Variants in MLIP observed in about 807,000 individuals in gnomAD.
MLIP encodes the protein muscular LMNA-interacting protein.
MLIP carries 79 observed loss-of-function variants against 84.8 expected under a neutral mutation model. The ratio of observed to expected loss-of-function variants is 0.93; its 90% CI spans 0.78 to 1.12. The LOEUF (loss-of-function observed/expected upper bound fraction) is 1.12, where lower values mean the gene tolerates loss of function less well. Ranked by LOEUF, MLIP falls within the 50% of genes most tolerant of loss-of-function variation. The pLI is 0.00. For synonymous variants in MLIP, 504 were observed against 463.0 expected (o/e 1.09, Z -1.14); for missense variants, 1,257 against 1,160.6 (o/e 1.08, Z -1.21).
rs1254154505 is a variant in MLIP at position 54,136,977 on chromosome 6, CTCAACTATCAG to C, written c.909_919del (p.Gln304PhefsTer2). On this transcript the variant is annotated frameshift_variant, in exon 4 of 14. Coordinates refer to ENST00000502396, the MANE Select transcript of MLIP (RefSeq NM_001281747.2). LOFTEE classifies it high-confidence loss of function. ...TCGACGTTACTGTTTCCCCATTCCA[CTCAACTATCAG>C]GTTCTAATTTACCCAGTTCAACTGC... 9 of 1,535,988 alleles carry C rather than the reference CTCAACTATCAG, an allele frequency of 5.9e-6. No individual in the cohort carries two copies. The highest frequency in any genetic ancestry group is 7.8e-6 in the Non-Finnish European group (9 of 1,146,902).
intron 13 of MLIP, among the ~76,000 whole-genome samples, chr6:54,261,084 A>G (rs1251944592): frequency 4.6e-5 from 7 of 152,016 alleles, no homozygotes; most frequent in Admixed American, 1.3e-4. Flanking sequence ...TTAACACCAT[A>G]CAGGCAGAGC....
At chr6:54,206,133 T>A (rs1779019419) in intron 11 of MLIP, among the ~76,000 whole-genome samples, 1 of 152,212 alleles carries the variant, frequency 6.6e-6, no homozygotes, top group South Asian at 2.1e-4. Flanking sequence ...TCTGACTATT[T>A]ATGAATTTGC....
At chr6:54,133,226 A>T (rs1450599485) in intron 3 of MLIP, among the ~76,000 whole-genome samples, 1 of 152,176 alleles carries the variant, frequency 6.6e-6, no homozygotes, top group Non-Finnish European at 1.5e-5. Flanking sequence ...ATCAGATTTT[A>T]AAAGTTCAAT....
intron 5 of MLIP, among the ~76,000 whole-genome samples, chr6:54,159,052 C>T (rs549749113): frequency 3.8e-4 from 58 of 152,046 alleles, no homozygotes; most frequent in Middle Eastern, 6.8e-3. Flanking sequence ...TCTGAAACTA[C>T]AGGTGTATGC....
In MLIP at chr6:54,124,440, G is replaced by A. The variant is rs183488712; in HGVS notation, c.253-33G>A. ...AAAAAGAAGCATTTATTAAACTAAT[G>A]TCAATGCTTTTATCTCTCTACATCT... On this transcript the variant is annotated intron_variant, in intron 2 of 13. Coordinates refer to ENST00000502396, the MANE Select transcript of MLIP (RefSeq NM_001281747.2). 1.2e-3 allele frequency: 1,917 copies of A among 1,562,120 alleles called. 5 individuals are homozygous for A. Among genetic ancestry groups the A allele is most frequent in the Non-Finnish European group, 1.1e-3 (1,308 of 1,151,806 alleles).
At chr6:54,194,642 A>G (rs1778169891) in intron 10 of MLIP, among the ~76,000 whole-genome samples, 1 of 152,212 alleles carries the variant, frequency 6.6e-6, no homozygotes, top group Non-Finnish European at 1.5e-5. Flanking sequence ...ATTGCAAAGT[A>G]TATATTCTGT....
chr6:54,229,234 G>A lies in MLIP; in HGVS notation c.2719-1480G>A, dbSNP rs74930779. Among the ~76,000 whole-genome samples the A allele has an allele frequency of 8.2e-3, 1,246 of 152,130 alleles. 19 individuals are homozygous for A. The highest frequency in any genetic ancestry group is 0.028 in the African/African-American group (1,167 of 41,518). On this transcript the variant is annotated intron_variant, in intron 11 of 13. Coordinates refer to ENST00000502396, the MANE Select transcript of MLIP (RefSeq NM_001281747.2). ...TACGATAATTCAGTAACGTGTCTTG[G>A]TAGAAAATAAATAGCTTTCATGTAC...
chr6:54,217,732 G>A, intron 11 of MLIP: 1 of 985,268 alleles, frequency 1.0e-6, no homozygotes, highest in South Asian at 4.7e-5. Context: ...GCGGTTTAAA[G>A]CATTTTATCA....
intron 5 of MLIP, among the ~76,000 whole-genome samples, chr6:54,152,515 C>T (rs1184275086): frequency 1.3e-5 from 2 of 152,018 alleles, no homozygotes; most frequent in Non-Finnish European, 2.9e-5. Flanking sequence ...CCTGATAAAC[C>T]CATCAGATTT....
intron 4 of MLIP, among the ~76,000 whole-genome samples, chr6:54,143,656 C>G (rs1282269940): frequency 6.6e-6 from 1 of 152,152 alleles, no homozygotes; most frequent in Non-Finnish European, 1.5e-5. Flanking sequence ...GAAATGTTCT[C>G]AGGGCATGCT....
upstream of MLIP, among the ~76,000 whole-genome samples, chr6:54,106,718 T>C (rs945083538): frequency 3.9e-5 from 6 of 152,122 alleles, no homozygotes; most frequent in African/African-American, 1.4e-4. Context: ...GGGAACAACT[T>C]CAAAAGAAAT....
At chr6:54,197,039 A>C (rs1171871488) in intron 10 of MLIP, among the ~76,000 whole-genome samples, 1 of 152,104 alleles carries the variant, frequency 6.6e-6, no homozygotes, top group Non-Finnish European at 1.5e-5. Flanking sequence ...AGTATCATAT[A>C]ATGTGTAAGC....
At chr6:54,134,088 G>A (rs1771611748) in intron 3 of MLIP, among the ~76,000 whole-genome samples, 1 of 152,066 alleles carries the variant, frequency 6.6e-6, no homozygotes, top group Non-Finnish European at 1.5e-5. Flanking sequence ...GAATGGTAGA[G>A]GAAGAAGAGA....
chr6:54,071,451 G>T (rs918107472), intron 1 of MLIP, among the ~76,000 whole-genome samples: 1 of 151,970 alleles, frequency 6.6e-6, no homozygotes, highest in Non-Finnish European at 1.5e-5. Context: ...AATCTTTTAA[G>T]TCTCTTGAGA....
At chr6:54,152,298 T>C (rs1442026008) in intron 5 of MLIP, among the ~76,000 whole-genome samples, 3 of 152,158 alleles carry the variant, frequency 2.0e-5, no homozygotes, top group African/African-American at 7.2e-5. Flanking sequence ...TACTAAGGTC[T>C]GTAGATAAAA....
At chr6:54,067,435 T>C (rs1311169858) in intron 1 of MLIP, among the ~76,000 whole-genome samples, 1 of 101,446 alleles carries the variant, frequency 9.9e-6, no homozygotes, top group African/African-American at 2.5e-5. Flanking sequence ...AGTGGCACTT[T>C]ATTTAATTCT....
At chr6:54,070,396 T>C (rs1275934719) in intron 1 of MLIP, among the ~76,000 whole-genome samples, 4 of 152,190 alleles carry the variant, frequency 2.6e-5, no homozygotes, top group Non-Finnish European at 1.5e-5. Flanking sequence ...AAGCATGGAT[T>C]CTCTGCTTAC....
At chr6:54,027,105 G>A (rs1317363039) in intron 1 of MLIP, among the ~76,000 whole-genome samples, 1 of 152,068 alleles carries the variant, frequency 6.6e-6, no homozygotes, top group Non-Finnish European at 1.5e-5. Flanking sequence ...TAAAACAGAA[G>A]TCCTTGTTAT....
intron 9 of MLIP, among the ~76,000 whole-genome samples, chr6:54,176,405 T>C (rs1355847306): frequency 6.6e-6 from 1 of 152,062 alleles, no homozygotes; most frequent in African/African-American, 2.4e-5. Flanking sequence ...ATTACAACTT[T>C]GATTTCATTA....
Sources: gnomAD v4.1 joint callset for allele counts (sites outside exome capture counted in the v4.1 genomes callset) on GRCh38, gnomAD v4.1.1 for gene constraint, MANE v1.5 for transcripts, NCBI Gene and HGNC (gene_info 2026-07-23, HGNC 2026-07-21) for gene names.